Variants in CASQ2 observed in about 807,000 individuals in gnomAD.
CASQ2 encodes the protein calsequestrin-2.
Under a neutral mutation model 46.5 loss-of-function variants are expected in CASQ2, and 49 were observed. That is an observed-to-expected ratio of 1.05 (90% CI 0.84 to 1.34). CASQ2 has a LOEUF of 1.34. Among genes scored for constraint, CASQ2 ranks in the 40% most tolerant of loss-of-function variants. The pLI is 0.00. For missense variants in CASQ2, 486 were observed against 481.3 expected (o/e 1.01, Z -0.09); for synonymous variants, 174 against 168.5 (o/e 1.03, Z -0.25).
At chr1:115,703,651 T>C (rs1654276661) in intron 9 of CASQ2, among the ~76,000 whole-genome samples, 1 of 152,110 alleles carries the variant, frequency 6.6e-6, no homozygotes. Flanking sequence ...GAAGAGAGTC[T>C]GGGCATGGTG....
chr1:115,730,818 G>A (rs1557794211), intron 5 of CASQ2, among the ~76,000 whole-genome samples: 1 of 152,128 alleles, frequency 6.6e-6, no homozygotes, highest in South Asian at 2.1e-4. Context: ...GCCTCTCCTG[G>A]TTTCAGACCT....
intron 1 of CASQ2, among the ~76,000 whole-genome samples, chr1:115,760,720 G>A (rs1384749942): frequency 1.3e-5 from 2 of 152,106 alleles, no homozygotes; most frequent in South Asian, 2.1e-4. Context: ...CCCAGGAATC[G>A]GTATTTTTTA....
intron 1 of CASQ2, among the ~76,000 whole-genome samples, chr1:115,754,378 C>G (rs1411279520): frequency 6.6e-6 from 1 of 152,022 alleles, no homozygotes; most frequent in Non-Finnish European, 1.5e-5. Flanking sequence ...GGAAAAGACC[C>G]AAGGGAAGAT....
intron 1 of CASQ2, among the ~76,000 whole-genome samples, chr1:115,759,825 T>C (rs897464480): frequency 6.6e-6 from 1 of 152,168 alleles, no homozygotes; most frequent in African/African-American, 2.4e-5. Flanking sequence ...GCCATCTCTT[T>C]TGGGGAAAGG....
In CASQ2 at chr1:115,768,527, G is replaced by T; in HGVS notation, c.15C>A (p.His5Gln). 1 of 1,610,722 alleles carries T rather than the reference G, an allele frequency of 6.2e-7. No individual in the cohort carries two copies. The highest frequency in any genetic ancestry group is 8.5e-7 in the Non-Finnish European group (1 of 1,176,902). The change falls in exon 1 of 11, where the codon CAC (histidine) becomes CAA (glutamine). Residue 5 changes from histidine to glutamine, a missense_variant. Coordinates refer to ENST00000261448, the MANE Select transcript of CASQ2 (RefSeq NM_001232.4). ...GAAAATAAATCCCCACAATAAACAA[G>T]TGAGTTCTCTTCATTTGGGAAAACT... MKRT[H>Q]LFIVGIYFLS...
At chr1:115,751,164 T>G (rs892410054) in intron 1 of CASQ2, among the ~76,000 whole-genome samples, 2 of 152,268 alleles carry the variant, frequency 1.3e-5, no homozygotes, top group Admixed American at 6.5e-5. Context: ...ATGCAGTAAG[T>G]GCTTAGTAAA....
intron 8 of CASQ2, among the ~76,000 whole-genome samples, chr1:115,717,579 C>T (rs1396799514): frequency 6.6e-6 from 1 of 152,174 alleles, no homozygotes; most frequent in Non-Finnish European, 1.5e-5. Context: ...ATCCCACTGA[C>T]TCAGTGTGTT....
chr1:115,727,316 G>A (rs1647629809), intron 5 of CASQ2, among the ~76,000 whole-genome samples, 194 bp from the exon 6 acceptor site: 1 of 152,174 alleles, frequency 6.6e-6, no homozygotes, highest in South Asian at 2.1e-4. Flanking sequence ...TGTGATCAAA[G>A]AAGGAAAGAT....
intron 1 of CASQ2, among the ~76,000 whole-genome samples, chr1:115,762,716 CT>C (rs1298723282): frequency 1.3e-5 from 2 of 152,170 alleles, no homozygotes; most frequent in African/African-American, 4.8e-5. Context: ...CCGGAAAAAG[CT>C]TTTGTCCTTT....
rs78855682 is a variant in CASQ2, at chr1:115,720,532, G to A, written c.784-2638C>T. On this transcript the variant is annotated intron_variant, in intron 7 of 10. Coordinates refer to ENST00000261448, the MANE Select transcript of CASQ2 (RefSeq NM_001232.4). ...CTTTCTCACCACCACCAGCAGAACA[G>A]GCTCCATGAATTTATTCCCCTGCAG... Among the ~76,000 whole-genome samples, 898 of 152,276 alleles carry A rather than the reference G, an allele frequency of 5.9e-3. 9 individuals carry two copies. The highest frequency in any genetic ancestry group is 0.021 in the African/African-American group (863 of 41,546).
chr1:115,734,445 T>A (rs1335492508), intron 4 of CASQ2, among the ~76,000 whole-genome samples: 3 of 152,184 alleles, frequency 2.0e-5, no homozygotes, highest in Non-Finnish European at 2.9e-5. Context: ...CTGGTCTACA[T>A]CACTTTAAGA....
chr1:115,750,432 G>C (rs1648538271), intron 1 of CASQ2, among the ~76,000 whole-genome samples: 1 of 152,144 alleles, frequency 6.6e-6, no homozygotes, highest in Non-Finnish European at 1.5e-5. Context: ...AGAAACATTA[G>C]GATTTGCTTT....
At chr1:115,753,132 G>A (rs966751041) in intron 1 of CASQ2, among the ~76,000 whole-genome samples, 6 of 152,198 alleles carry the variant, frequency 3.9e-5, no homozygotes, top group Non-Finnish European at 7.3e-5. Context: ...GACCCAGAGA[G>A]TTCACAGTCA....
chr1:115,761,451 GAAGAAGAAGAAGGA>G (rs1648941022), intron 1 of CASQ2, among the ~76,000 whole-genome samples: 1 of 12,336 alleles, frequency 8.1e-5, no homozygotes, highest in Non-Finnish European at 1.7e-4. Context: ...AGAAGAAGAA[GAAGAAGAAGAAGGA>G]GAAGAAGAAG....
At chr1:115,758,949 C>G (rs2101118255) in intron 1 of CASQ2, among the ~76,000 whole-genome samples, 1 of 152,254 alleles carries the variant, frequency 6.6e-6, no homozygotes, top group Non-Finnish European at 1.5e-5. Context: ...GAAGGGGTGT[C>G]AGACAATATG....
intron 6 of CASQ2, among the ~76,000 whole-genome samples, chr1:115,726,491 T>G (rs966929246): frequency 6.6e-6 from 1 of 152,228 alleles, no homozygotes; most frequent in Admixed American, 6.5e-5. Flanking sequence ...TGCTGATCCA[T>G]GCTGGAGCTA....
At chr1:115,764,845 TC>T (rs1649081413) in intron 1 of CASQ2, among the ~76,000 whole-genome samples, 1 of 152,278 alleles carries the variant, frequency 6.6e-6, no homozygotes, top group African/African-American at 2.4e-5. Context: ...CTTCCCCTTG[TC>T]AAGCCCTGTT....
intron 8 of CASQ2, among the ~76,000 whole-genome samples, chr1:115,715,941 G>A (rs1051988869): frequency 2.6e-5 from 4 of 152,160 alleles, no homozygotes; most frequent in Admixed American, 2.6e-4. Flanking sequence ...AAGGCGATCT[G>A]TTCACCCTTC....
chr1:115,750,301 C>T (rs1316027775), intron 1 of CASQ2, among the ~76,000 whole-genome samples: 1 of 152,174 alleles, frequency 6.6e-6, no homozygotes, highest in Admixed American at 6.5e-5. Flanking sequence ...ACAACTGTTT[C>T]TCTGCTGGTT....
Sources: gnomAD v4.1 joint callset for allele counts (sites outside exome capture counted in the v4.1 genomes callset) on GRCh38, gnomAD v4.1.1 for gene constraint, MANE v1.5 for transcripts, NCBI Gene and HGNC (gene_info 2026-07-23, HGNC 2026-07-21) for gene names.